The following PLPP1 variants were observed in gnomAD, a reference collection of about 807,000 sequenced individuals.
PLPP1 encodes the protein phospholipid phosphatase 1.
Under a neutral mutation model 31.2 loss-of-function variants are expected in PLPP1, and 24 were observed. The ratio of observed to expected loss-of-function variants is 0.77; its 90% CI spans 0.56 to 1.08. PLPP1 has a LOEUF of 1.08. Among genes scored for constraint, PLPP1 ranks in the 50% least tolerant of loss-of-function variants. The probability of loss-of-function intolerance (pLI) is 0.00; values close to 1 mark genes in which losing one functional copy is unlikely to be tolerated. For synonymous variants in PLPP1, 146 were observed against 126.3 expected (o/e 1.16, Z -1.05); for missense variants, 319 against 342.7 (o/e 0.93, Z 0.55).
intron 1 of PLPP1, among the ~76,000 whole-genome samples, chr5:55,479,121 T>G (rs2111821528): frequency 6.6e-6 from 1 of 150,588 alleles, no homozygotes; most frequent in Non-Finnish European, 1.5e-5. Context: ...ACCTTCCGGG[T>G]TCAAGCGATT....
chr5:55,518,009 G>T (rs1221544359), intron 1 of PLPP1, among the ~76,000 whole-genome samples: 1 of 152,168 alleles, frequency 6.6e-6, no homozygotes, highest in African/African-American at 2.4e-5. Flanking sequence ...ACCACACCCA[G>T]CTAATTTTGT....
intron 1 of PLPP1, among the ~76,000 whole-genome samples, chr5:55,524,045 G>C (rs988893543): frequency 6.6e-6 from 1 of 152,152 alleles, no homozygotes. Flanking sequence ...AATAATGTCT[G>C]CTTAATAAAT....
chr5:55,435,256 C>T (rs1446023522), intron 4 of PLPP1, among the ~76,000 whole-genome samples: 1 of 152,118 alleles, frequency 6.6e-6, no homozygotes. Flanking sequence ...GTTGAGGATG[C>T]AGAGAAAAGG....
intron 1 of PLPP1, among the ~76,000 whole-genome samples, chr5:55,514,889 T>C (rs1753523338): frequency 6.6e-6 from 1 of 152,206 alleles, no homozygotes; most frequent in Non-Finnish European, 1.5e-5. Context: ...CTTATAATGC[T>C]GAAACTACAC....
chr5:55,521,330 T>C (rs368614384), intron 1 of PLPP1, among the ~76,000 whole-genome samples: 186 of 135,380 alleles, frequency 1.4e-3, no homozygotes, highest in African/African-American at 5.0e-3. Flanking sequence ...CCAGCCTGGG[T>C]GACAGAGCAA....
Position 55,467,854 on chromosome 5 carries a change from C to T in PLPP1, c.491+15G>A, listed in dbSNP as rs369886566. 2.1e-5 allele frequency: 33 copies of T among 1,593,316 alleles called. No individual in the cohort carries two copies. Among genetic ancestry groups the T allele is most frequent in the African/African-American group, 6.7e-5 (5 of 74,428 alleles). ...ATATACAAGATTAAACAAGCATTAGCGATTTAACACTCACCTGCCTTCCTT... is the reference window on the plus strand; with the variant it reads ...ATATACAAGATTAAACAAGCATTAGTGATTTAACACTCACCTGCCTTCCTT... On this transcript the variant is annotated intron_variant, in intron 3 of 5. Coordinates refer to ENST00000307259, the MANE Select transcript of PLPP1 (RefSeq NM_003711.4).
At chr5:55,513,472 A>G (rs1448051337) in intron 1 of PLPP1, among the ~76,000 whole-genome samples, 3 of 151,802 alleles carry the variant, frequency 2.0e-5, no homozygotes, top group Non-Finnish European at 2.9e-5. Context: ...GGGTTTCACC[A>G]TGTTGTCCAG....
chr5:55,445,006 T>G (rs943236504), intron 3 of PLPP1, among the ~76,000 whole-genome samples: 2 of 152,154 alleles, frequency 1.3e-5, no homozygotes, highest in Admixed American at 1.3e-4. Flanking sequence ...CGCCTCGGCC[T>G]CCCAAAGTAC....
Position 55,425,743 on chromosome 5 carries a change from A to G in PLPP1, c.726+120T>C, listed in dbSNP as rs1425774812. The G allele has an allele frequency of 4.4e-6, 4 of 916,114 alleles. No homozygotes were observed. The Admixed American group carries it at 1.2e-4, about 29-fold the overall frequency. The allele number at this position is 916,114 out of a possible 1,614,324, so 56.7% of individuals were successfully genotyped here. On this transcript the variant is annotated intron_variant, in intron 5 of 5. Coordinates refer to ENST00000307259, the MANE Select transcript of PLPP1 (RefSeq NM_003711.4). ...CCTGAAGTGACTTTTAATAACATTG[A>G]GATTCTTGCCCACTGCATAGTCTTC...
At chr5:55,527,175 T>C (rs1740482140) in intron 1 of PLPP1, among the ~76,000 whole-genome samples, 1 of 152,158 alleles carries the variant, frequency 6.6e-6, no homozygotes, top group Non-Finnish European at 1.5e-5. Flanking sequence ...ATACTTGTTT[T>C]TTCCCCCTTT....
At chr5:55,430,108 G>A (rs1043069363) in intron 4 of PLPP1, among the ~76,000 whole-genome samples, 1 of 152,078 alleles carries the variant, frequency 6.6e-6, no homozygotes, top group Non-Finnish European at 1.5e-5. Context: ...CTATGGGCCT[G>A]GGGACTAGCC....
chr5:55,498,437 C>T (rs1753049535), intron 1 of PLPP1, among the ~76,000 whole-genome samples: 2 of 152,100 alleles, frequency 1.3e-5, no homozygotes, highest in African/African-American at 4.8e-5. Flanking sequence ...CACACACACA[C>T]ACCTCTTCAG....
chr5:55,427,840 C>G (rs930817414), intron 4 of PLPP1, among the ~76,000 whole-genome samples: 2 of 152,012 alleles, frequency 1.3e-5, no homozygotes, highest in Non-Finnish European at 2.9e-5. Context: ...GGCTGGAGTG[C>G]AGTGGTGCGA....
intron 1 of PLPP1, among the ~76,000 whole-genome samples, chr5:55,508,251 T>C (rs1227058330): frequency 3.9e-5 from 6 of 152,176 alleles, no homozygotes; most frequent in Admixed American, 2.0e-4. Flanking sequence ...AAATGAAATA[T>C]GAAGTTTATT....
At chr5:55,440,425 A>G (rs6878260) in intron 4 of PLPP1, among the ~76,000 whole-genome samples, 130,856 of 152,210 alleles carry the variant, frequency 0.86, 56,647 homozygotes, top group South Asian at 0.92. Flanking sequence ...ATGTTGTCTC[A>G]CTTAAGAAAG....
chr5:55,500,698 G>A (rs1753122724), intron 1 of PLPP1, among the ~76,000 whole-genome samples: 1 of 152,174 alleles, frequency 6.6e-6, no homozygotes, highest in African/African-American at 2.4e-5. Flanking sequence ...GAAAAGAGCT[G>A]TGTAAAGAAA....
At chr5:55,434,132 CAAA>C (rs528979124) in intron 4 of PLPP1, among the ~76,000 whole-genome samples, 8 of 53,012 alleles carry the variant, frequency 1.5e-4, no homozygotes, top group Admixed American at 4.3e-4. Context: ...GACTCTGTCT[CAAA>C]AAAAAAAAAA....
At chr5:55,480,479 C>G (rs562972153) in intron 1 of PLPP1, among the ~76,000 whole-genome samples, 35 of 152,056 alleles carry the variant, frequency 2.3e-4, no homozygotes, top group African/African-American at 8.2e-4. Flanking sequence ...CAGGCAACCA[C>G]TCATCTGCTA....
intron 3 of PLPP1, among the ~76,000 whole-genome samples, chr5:55,460,176 G>A (rs10461597): frequency 0.86 from 130,572 of 152,118 alleles, 56,448 homozygotes; most frequent in South Asian, 0.92. Flanking sequence ...CATTGTTTAA[G>A]GATCAACTAT....
Sources: gnomAD v4.1 joint callset for allele counts (sites outside exome capture counted in the v4.1 genomes callset) on GRCh38, gnomAD v4.1.1 for gene constraint, MANE v1.5 for transcripts, NCBI Gene and HGNC (gene_info 2026-07-23, HGNC 2026-07-21) for gene names.